Variants in KL observed in about 807,000 individuals in gnomAD.
KL encodes the protein alpha-klotho.
A neutral mutation model predicts 84.2 loss-of-function variants in KL; 62 were observed. That is an observed-to-expected ratio of 0.74 (90% CI 0.60 to 0.91). KL has a LOEUF of 0.91. Ranked by LOEUF, KL falls within the 40% of genes least tolerant of loss-of-function variation. The pLI is 0.00. For missense variants in KL, 1,261 were observed against 1,305.7 expected, an observed-to-expected ratio of 0.97 and a Z score of 0.53; for synonymous variants, 528 against 528.0, an observed-to-expected ratio of 1.00 and a Z score of 0.00.
rs190876662 is a variant in KL, at chr13:33,047,137, A to G, written c.820-6630A>G. ...ATTCTGATTTTTTTAGGTGGGTGGC[A>G]TGTTCTATTAATATATATGTCTGTT... On this transcript the variant is annotated intron_variant, in intron 1 of 4. Coordinates refer to ENST00000380099, the MANE Select transcript of KL (RefSeq NM_004795.4). 4.6e-5 allele frequency among the ~76,000 whole-genome samples: 7 copies of G among 152,286 alleles called. No homozygotes were observed. The East Asian group carries it at 1.3e-3, about 29-fold the overall frequency.
chr13:33,037,427 C>T (rs928866824), intron 1 of KL, among the ~76,000 whole-genome samples: 1 of 152,128 alleles, frequency 6.6e-6, no homozygotes, highest in Non-Finnish European at 1.5e-5. Flanking sequence ...TAGCTGTGTA[C>T]TATGCATGAG....
At chr13:33,021,492 C>T (rs1370642910) in intron 1 of KL, among the ~76,000 whole-genome samples, 2 of 152,150 alleles carry the variant, frequency 1.3e-5, no homozygotes, top group African/African-American at 4.8e-5. Context: ...TTTTATTCCC[C>T]AAGTAATTAG....
intron 1 of KL, among the ~76,000 whole-genome samples, chr13:33,047,244 T>C (rs1337614457): frequency 6.6e-6 from 1 of 152,204 alleles, no homozygotes; most frequent in Non-Finnish European, 1.5e-5. Context: ...TGCTGTCCAT[T>C]TGCATAATAT....
Position 33,016,528 on chromosome 13 carries a change from C to T in KL, c.88C>T (p.Arg30Cys). Residue 30 changes from arginine (R) to cysteine (C), a missense_variant, in exon 1 of 5, where the codon CGC becomes TGC. Physicochemically the swap from Arg to Cys is radical, Grantham distance 180 (BLOSUM62 -3). Coordinates refer to ENST00000380099, the MANE Select transcript of KL (RefSeq NM_004795.4). ...LLVLLGLGGR[R>C]LRAEPGDGAQ... ...GGTGCTGCTGGGCCTGGGCGGCCGC[C>T]GCCTGCGTGCGGAGCCGGGCGACGG... The T allele has an allele frequency of 2.2e-6, 3 of 1,347,150 alleles. No homozygotes were observed. Among genetic ancestry groups the T allele is most frequent in the Non-Finnish European group, 2.8e-6 (3 of 1,054,616 alleles). 83.4% of individuals were successfully genotyped at this position (1,347,150 alleles called of 1,614,324 possible).
chr13:33,052,101 C>G (rs1399000340), intron 1 of KL, among the ~76,000 whole-genome samples: 1 of 152,180 alleles, frequency 6.6e-6, no homozygotes, highest in Non-Finnish European at 1.5e-5. Flanking sequence ...GGACTACAGG[C>G]ACACAGCACC....
At position 33,021,218 on chromosome 13, in the gene KL, C is replaced by G. The variant is rs75876583; in HGVS notation, c.819+3959C>G. On this transcript the variant is annotated intron_variant, in intron 1 of 4. Transcript: ENST00000380099. ...TTCTCTCCTTGTCAGTCTTTCTAGC[C>G]ACTTTCCAATGGAACAGAGACTACC... Among the ~76,000 whole-genome samples the G allele has an allele frequency of 1.3e-4, 20 of 152,286 alleles. No homozygotes were observed. The East Asian group carries it at 3.9e-3, about 29-fold the overall frequency.
intron 1 of KL, among the ~76,000 whole-genome samples, chr13:33,053,417 G>A (rs143305236): frequency 7.9e-5 from 12 of 152,274 alleles, no homozygotes; most frequent in South Asian, 4.2e-4. Flanking sequence ...CATGAAACCC[G>A]TAAATTAAAA....
intron 4 of KL, among the ~76,000 whole-genome samples, chr13:33,062,291 G>C (rs765651330): frequency 6.6e-6 from 1 of 151,996 alleles, no homozygotes; most frequent in African/African-American, 2.4e-5. Context: ...AGAGGCGGGA[G>C]GATTGCTTGA....
rs778871659 is a variant in KL, at chr13:33,016,939, C to T, written c.499C>T (p.Arg167Cys). 25 of 1,608,348 alleles carry T rather than the reference C, an allele frequency of 1.6e-5. No homozygotes were observed. Among genetic ancestry groups the T allele is most frequent in the Middle Eastern group, 3.3e-4 (2 of 6,042 alleles). The change falls in exon 1 of 5, where the codon CGC (arginine) becomes TGC (cysteine). Residue 167 changes from arginine to cysteine, a missense_variant. Transcript: ENST00000380099. ...LPNGSAGVPNREGLRYYRRLL... is the reference protein window; with the variant it reads ...LPNGSAGVPNCEGLRYYRRLL... ...CAATGGCAGCGCGGGCGTCCCCAAC[C>T]GCGAGGGGCTGCGCTACTACCGGCG...
At chr13:33,040,864 C>T (rs1396481063) in intron 1 of KL, among the ~76,000 whole-genome samples, 2 of 151,988 alleles carry the variant, frequency 1.3e-5, no homozygotes, top group African/African-American at 4.8e-5. Flanking sequence ...TTTTTGTTTT[C>T]TTTGAGTTCC....
chr13:33,038,464 A>G (rs1871220132), intron 1 of KL, among the ~76,000 whole-genome samples: 1 of 152,234 alleles, frequency 6.6e-6, no homozygotes, highest in Admixed American at 6.5e-5. Flanking sequence ...GCTAGAAAAG[A>G]TAGTCCAATT....
chr13:33,043,804 G>T lies in KL; in HGVS notation c.820-9963G>T, dbSNP rs559380008. 3.3e-5 allele frequency among the ~76,000 whole-genome samples: 5 copies of T among 152,170 alleles called. No homozygotes were observed. The South Asian group carries it at 1.0e-3, about 32-fold the overall frequency. ...AACAAAAACTGATAAATTGGACGAC[G>T]TCAAAATTAAAACCTGCTCATCAAA... On this transcript the variant is annotated intron_variant, in intron 1 of 4. Transcript: ENST00000380099.
At chr13:33,054,991 T>C in intron 2 of KL, 56 bp from the exon 3 acceptor site, 4 of 1,611,946 alleles carry the variant, frequency 2.5e-6, no homozygotes, top group Non-Finnish European at 3.4e-6. Flanking sequence ...TCTTGAACCA[T>C]GATGCAAGTG....
At chr13:33,024,837 G>A (rs1260203748) in intron 1 of KL, among the ~76,000 whole-genome samples, 1 of 152,164 alleles carries the variant, frequency 6.6e-6, no homozygotes, top group East Asian at 1.9e-4. Flanking sequence ...TGGTAGGGGC[G>A]TCTCACTCCC....
At position 33,016,983 on chromosome 13, in the gene KL, G is replaced by A. The variant is rs1870376760; in HGVS notation, c.543G>A (p.Arg181=). 3 of 1,595,118 alleles carry A rather than the reference G, an allele frequency of 1.9e-6. No individual in the cohort carries two copies. In the African/African-American group the frequency reaches 4.0e-5, roughly 21 times the overall value. The stretch of plus-strand genomic sequence containing the variant: ...ACCGGCGCCTGCTGGAGCGGCTGCG[G>A]GAGCTGGGCGTGCAGCCCGTGGTCA... ...RYYRRLLERL[R]ELGVQPVVTL... is the part of the protein sequence containing the mutation. The change falls in exon 1 of 5, where the codon CGG becomes CGA. Residue 181 remains arginine, a synonymous_variant. Coordinates refer to ENST00000380099, the MANE Select transcript of KL (RefSeq NM_004795.4).
At chr13:33,042,056 AG>A (rs1289032255) in intron 1 of KL, among the ~76,000 whole-genome samples, 7 of 152,226 alleles carry the variant, frequency 4.6e-5, no homozygotes, top group African/African-American at 1.4e-4. Flanking sequence ...TGCAATTAAA[AG>A]CTAAATATAT....
chr13:33,029,763 AGCTGGGACTACAGGCACCTGCCGCCAT>A (rs1870906864), intron 1 of KL, among the ~76,000 whole-genome samples: 1 of 152,128 alleles, frequency 6.6e-6, no homozygotes, highest in Non-Finnish European at 1.5e-5. Context: ...CCTCCCGAGT[AGCTGGGACTACAGGCACCTGCCGCCAT>A]GCCTGGCTAA....
At position 33,060,968 on chromosome 13, in the gene KL, A is replaced by C; in HGVS notation, c.1889A>C (p.Asn630Thr). 6.2e-7 allele frequency: 1 copy of C among 1,611,916 alleles called. No homozygotes were observed. The highest frequency in any genetic ancestry group is 8.5e-7 in the Non-Finnish European group (1 of 1,178,240). ...ATGGCCAGCGAGCTTGTCCGTGTCAACATCACCCCAGTGGTGGCCCTGTGG... is the reference window on the plus strand; with the variant it reads ...ATGGCCAGCGAGCTTGTCCGTGTCACCATCACCCCAGTGGTGGCCCTGTGG... The part of the protein sequence containing the change: ...RCMASELVRV[N>T]ITPVVALWQP... Residue 630 changes from asparagine to threonine, a missense_variant, in exon 4 of 5, where the codon AAC (asparagine) becomes ACC (threonine). Transcript: ENST00000380099.
At chr13:33,026,866 T>G (rs1870797100) in intron 1 of KL, among the ~76,000 whole-genome samples, 1 of 152,154 alleles carries the variant, frequency 6.6e-6, no homozygotes, top group Non-Finnish European at 1.5e-5. Flanking sequence ...TTGTTTGACC[T>G]CACATAATAT....
Sources: allele counts gnomAD v4.1 joint callset (sites outside exome capture counted in the v4.1 genomes callset), GRCh38; gene constraint gnomAD v4.1.1; transcripts MANE v1.5; gene names NCBI Gene and HGNC (gene_info 2026-07-23, HGNC 2026-07-21).